The following KIF1A variants were observed in gnomAD, a reference collection of about 807,000 sequenced individuals.
KIF1A encodes the protein kinesin family member 1A, also known as kinesin-like protein KIF1A.
Under a neutral mutation model 227.3 loss-of-function variants are expected in KIF1A, and 46 were observed. The ratio of observed to expected loss-of-function variants is 0.20; its 90% confidence interval spans 0.16 to 0.26. The LOEUF (loss-of-function observed/expected upper bound fraction) is 0.26. KIF1A is among the 10% of genes least tolerant of loss of function. The probability of loss-of-function intolerance (pLI) is 1.00; values close to 1 mark genes in which losing one functional copy is unlikely to be tolerated. For synonymous variants in KIF1A, 1,022 were observed against 1,012.8 expected (o/e 1.01, Z -0.17); for missense variants, 1,683 against 2,485.9 (o/e 0.68, Z 6.87).
rs2046074242 is a variant in KIF1A at position 240,726,920 on chromosome 2, G to A, written c.4028C>T (p.Ala1343Val). ...GTTGTGCATGGAGCTGTCCCACGCA[G>A]CCTCAAATTGGTAAAAGGTCCTGAA... ...QDDRTFYQFE[A>V]AWDSSMHNSL... The change falls in exon 39 of 49, where the codon GCT (alanine) becomes GTT (valine). Residue 1343 changes from alanine to valine, a missense_variant. By Grantham distance (64) the Ala-to-Val change is moderately conservative. Coordinates refer to ENST00000498729, the MANE Select transcript of KIF1A (RefSeq NM_001244008.2). The surrounding 1 kb of genome is among the most constrained non-coding windows in gnomAD (Gnocchi z 5.2). 1.2e-6 allele frequency: 2 copies of A among 1,607,462 alleles called. No individual in the cohort carries two copies. Among genetic ancestry groups the A allele is most frequent in the Non-Finnish European group, 1.7e-6 (2 of 1,175,940 alleles).
At chr2:240,750,157 G>C (rs1302300298) in intron 28 of KIF1A, among the ~76,000 whole-genome samples, 1 of 152,242 alleles carries the variant, frequency 6.6e-6, no homozygotes, top group African/African-American at 2.4e-5. Flanking sequence ...ACCTCCAGCT[G>C]ACCCTGGGGA....
intron 45 of KIF1A, 49 bp downstream of exon 45, chr2:240,720,865 G>C: frequency 6.6e-7 from 1 of 1,506,066 alleles, no homozygotes; most frequent in Middle Eastern, 1.9e-4. Context: ...CATGGTCATG[G>C]GTCAGCCGTG....
chr2:240,743,194 G>A (rs2048197759), intron 33 of KIF1A, among the ~76,000 whole-genome samples: 1 of 152,146 alleles, frequency 6.6e-6, no homozygotes, highest in Non-Finnish European at 1.5e-5. Context: ...CAGGGCAAGG[G>A]TCAAGCTCTG....
At position 240,782,591 on chromosome 2, in the gene KIF1A, T is replaced by C. The variant is rs946682837; in HGVS notation, c.881A>G (p.Lys294Arg). Residue 294 changes from lysine to arginine, a missense_variant and splice_region_variant, in exon 10 of 49, where the codon AAG becomes AGG. By Grantham distance (26) the Lys-to-Arg change is conservative. Coordinates refer to ENST00000498729, the MANE Select transcript of KIF1A (RefSeq NM_001244008.2). ...ALAEMDSGPNKNKKKKKTDFI... is the reference protein window; with the variant it reads ...ALAEMDSGPNRNKKKKKTDFI... ...CCGGGGCTGAAGGAAGCCGCTTACC[T>C]TGTTGGGTCCGGAGTCCTGAAAAGG... 4 of 1,552,434 alleles carry C rather than the reference T, an allele frequency of 2.6e-6. No homozygotes were observed. In the African/African-American group the frequency reaches 5.5e-5, roughly 21 times the overall value.
chr2:240,787,104 G>A (rs1264676489), intron 5 of KIF1A, 147 bp downstream of exon 5: 18 of 676,664 alleles, frequency 2.7e-5, no homozygotes, highest in Admixed American at 4.2e-5. Flanking sequence ...GCCCAGGCCC[G>A]CCGTCTTGCC....
chr2:240,759,978 T>G (rs2050315265), intron 25 of KIF1A, among the ~76,000 whole-genome samples: 3 of 150,816 alleles, frequency 2.0e-5, no homozygotes, highest in South Asian at 4.2e-4. Flanking sequence ...ATCACACCAC[T>G]GCACTCTAGC....
Position 240,740,152 on chromosome 2 carries a change from C to T in KIF1A, c.3817-10G>A, listed in dbSNP as rs962822799. ...TCCGTCGCTGGATGCCCTGCCGGTGCCAGGTGAGAGGATATGGTCAGACGG... is the reference window on the plus strand; with the variant it reads ...TCCGTCGCTGGATGCCCTGCCGGTGTCAGGTGAGAGGATATGGTCAGACGG... On this transcript the variant is annotated splice_polypyrimidine_tract_variant and intron_variant, in intron 36 of 48. Coordinates refer to ENST00000498729, the MANE Select transcript of KIF1A (RefSeq NM_001244008.2). This position sits in a 1 kb window ranked among gnomAD's most constrained non-coding sequence, Gnocchi z 6.1. The T allele has an allele frequency of 6.3e-7, 1 of 1,588,914 alleles. No homozygotes were observed. Among genetic ancestry groups the T allele is most frequent in the Non-Finnish European group, 8.6e-7 (1 of 1,167,644 alleles).
intron 13 of KIF1A, 109 bp from the exon 14 acceptor site, chr2:240,772,705 G>A (rs2052171153): frequency 1.2e-6 from 1 of 851,184 alleles, no homozygotes; most frequent in African/African-American, 1.7e-5. Flanking sequence ...GCCAGCAGTG[G>A]GTGTGTGGCC....
chr2:240,766,287 T>C lies in KIF1A; in HGVS notation c.1685-494A>G, dbSNP rs2051164600. The stretch of plus-strand genomic sequence containing the variant: ...AGGCTGGCTGGATGCTGCCGGGAGA[T>C]GCCCTTAGCCTGGGCTGTGGGCCAT... On this transcript the variant is annotated intron_variant, in intron 19 of 48. Transcript: ENST00000498729. The surrounding 1 kb of genome is among the most constrained non-coding windows in gnomAD (Gnocchi z 5.0). Among the ~76,000 whole-genome samples, 1 of 152,182 alleles carries C rather than the reference T, an allele frequency of 6.6e-6. No individual in the cohort carries two copies. Among genetic ancestry groups the C allele is most frequent in the Non-Finnish European group, 1.5e-5 (1 of 68,010 alleles).
intron 1 of KIF1A, among the ~76,000 whole-genome samples, chr2:240,814,654 C>A (rs555001290): frequency 3.9e-5 from 6 of 152,184 alleles, no homozygotes; most frequent in African/African-American, 1.4e-4. Context: ...AGGCTGGGCG[C>A]GGTGGCTCAT....
chr2:240,745,201 G>A (rs371582922), intron 32 of KIF1A, among the ~76,000 whole-genome samples: 1 of 152,100 alleles, frequency 6.6e-6, no homozygotes, highest in African/African-American at 2.4e-5. Flanking sequence ...ACTATGAGCA[G>A]CTCCCAGGGG....
chr2:240,722,240 C>T (rs1225821926), intron 43 of KIF1A, among the ~76,000 whole-genome samples: 1 of 152,210 alleles, frequency 6.6e-6, no homozygotes, highest in Non-Finnish European at 1.5e-5. Context: ...TGATTCATCG[C>T]TTGGGAAGGG....
At chr2:240,816,333 T>C (rs1399652681) in intron 1 of KIF1A, among the ~76,000 whole-genome samples, 1 of 151,964 alleles carries the variant, frequency 6.6e-6, no homozygotes, top group African/African-American at 2.4e-5. Context: ...TGCGTGCATG[T>C]GTGTGTCAGT....
chr2:240,815,886 T>A (rs988619575), intron 1 of KIF1A, among the ~76,000 whole-genome samples: 1 of 152,190 alleles, frequency 6.6e-6, no homozygotes, highest in African/African-American at 2.4e-5. Flanking sequence ...GGTGCTGTTC[T>A]CATTGTTCAG....
chr2:240,765,897 G>A (rs1381126836), intron 19 of KIF1A, 104 bp from the exon 20 acceptor site: 6 of 790,366 alleles, frequency 7.6e-6, no homozygotes, highest in African/African-American at 1.7e-5. Flanking sequence ...CAAGCCTCTC[G>A]CCTCTCTTTT....
At chr2:240,795,646 G>A (rs2056290430) in intron 2 of KIF1A, among the ~76,000 whole-genome samples, 2 of 152,194 alleles carry the variant, frequency 1.3e-5, no homozygotes, top group East Asian at 1.9e-4. Flanking sequence ...CCCGTTTCTG[G>A]ATCCTATGAG....
chr2:240,787,644 G>A (rs564621929), intron 4 of KIF1A, among the ~76,000 whole-genome samples: 3 of 152,318 alleles, frequency 2.0e-5, no homozygotes, highest in African/African-American at 7.2e-5. Context: ...CTGCCCAGGG[G>A]AATGGCTGGG....
rs978680718 is a variant in KIF1A, at chr2:240,789,978, C to T, written c.107-666G>A. On this transcript the variant is annotated intron_variant, in intron 2 of 48. Transcript: ENST00000498729. This position sits in a 1 kb window ranked among gnomAD's most constrained non-coding sequence, Gnocchi z 4.8. The stretch of plus-strand genomic sequence containing the variant: ...GAACACGTGATGATGCCCCCGCCCA[C>T]AGCCGGTGCCTGGGGGGGTTTCCCA... 1.2e-4 allele frequency among the ~76,000 whole-genome samples: 19 copies of T among 152,178 alleles called. No homozygotes were observed. The highest frequency in any genetic ancestry group is 7.2e-4 in the Admixed American group (11 of 15,282).
At chr2:240,730,591 A>G (rs1451922003) in intron 38 of KIF1A, among the ~76,000 whole-genome samples, 1 of 152,226 alleles carries the variant, frequency 6.6e-6, no homozygotes, top group Non-Finnish European at 1.5e-5. Flanking sequence ...TAACAGGCTG[A>G]GGCCACAGAT....
Sources: allele counts gnomAD v4.1 joint callset (sites outside exome capture counted in the v4.1 genomes callset), GRCh38; gene constraint gnomAD v4.1.1; non-coding constraint Gnocchi (gnomAD v3.1); transcripts MANE v1.5; gene names NCBI Gene and HGNC (gene_info 2026-07-23, HGNC 2026-07-21).